SPOCK1: variants seen among roughly 807,000 people sequenced by gnomAD.
SPOCK1 encodes the protein testican-1.
In SPOCK1, 23 loss-of-function variants were observed where a neutral mutation model predicts 55.3. The ratio of observed to expected loss-of-function variants is 0.42; its 90% confidence interval spans 0.30 to 0.59. SPOCK1 has a LOEUF of 0.59. Among genes scored for constraint, SPOCK1 ranks in the 20% least tolerant of loss-of-function variants. The probability of loss-of-function intolerance (pLI) is 0.22; values close to 1 mark genes in which losing one functional copy is unlikely to be tolerated. For synonymous variants in SPOCK1, 226 were observed against 221.0 expected, an observed-to-expected ratio of 1.02 and a Z score of -0.20; for missense variants, 499 against 552.5, an observed-to-expected ratio of 0.90 and a Z score of 0.97.
At chr5:137,297,708 G>C (rs112391822) in intron 2 of SPOCK1, among the ~76,000 whole-genome samples, 2 of 152,210 alleles carry the variant, frequency 1.3e-5, no homozygotes, top group African/African-American at 4.8e-5. Flanking sequence ...AGCCTGGGGA[G>C]ACATGGTAGG....
chr5:137,332,105 G>T (rs567216789), intron 2 of SPOCK1, among the ~76,000 whole-genome samples: 21 of 152,016 alleles, frequency 1.4e-4, no homozygotes, highest in African/African-American at 4.6e-4. Flanking sequence ...TCCCCTCTCT[G>T]GCCCTGCCTA....
intron 2 of SPOCK1, among the ~76,000 whole-genome samples, chr5:137,321,041 A>G (rs1361243965): frequency 6.6e-6 from 1 of 152,190 alleles, no homozygotes; most frequent in East Asian, 1.9e-4. Context: ...GAAAAAGAGT[A>G]TTTTTTAACC....
At chr5:137,106,382 C>T (rs771083804) in intron 5 of SPOCK1, among the ~76,000 whole-genome samples, 1 of 152,188 alleles carries the variant, frequency 6.6e-6, no homozygotes, top group Non-Finnish European at 1.5e-5. Flanking sequence ...TTTACTCTTT[C>T]TATGCTGATA....
intron 3 of SPOCK1, among the ~76,000 whole-genome samples, chr5:137,213,884 A>G (rs1352653230): frequency 6.6e-6 from 1 of 152,234 alleles, no homozygotes; most frequent in Middle Eastern, 3.4e-3. Context: ...AATTCATTGT[A>G]CTCTTGAAGC....
At chr5:137,052,715 GAAT>G (rs1328773343) in intron 6 of SPOCK1, among the ~76,000 whole-genome samples, 1 of 152,104 alleles carries the variant, frequency 6.6e-6, no homozygotes, top group Admixed American at 6.5e-5. Context: ...GTTTTTAAAA[GAAT>G]AATTGATGAT....
intron 9 of SPOCK1, among the ~76,000 whole-genome samples, chr5:136,983,798 G>A (rs1160430267): frequency 1.3e-5 from 2 of 152,108 alleles, no homozygotes; most frequent in Non-Finnish European, 2.9e-5. Flanking sequence ...TGAGTCAGCT[G>A]GAGTAATCTC....
chr5:137,304,602 G>A (rs1467304940), intron 2 of SPOCK1, among the ~76,000 whole-genome samples: 1 of 152,176 alleles, frequency 6.6e-6, no homozygotes, highest in Non-Finnish European at 1.5e-5. Flanking sequence ...CTGCAACATG[G>A]GAAACCAGCA....
At chr5:137,174,265 C>G (rs17720729) in intron 3 of SPOCK1, among the ~76,000 whole-genome samples, 19,337 of 152,252 alleles carry the variant, frequency 0.13, 1,426 homozygotes, top group East Asian at 0.23. Context: ...CTCATGCCAG[C>G]AGGTAACAAT....
chr5:137,414,860 T>A (rs997281175), intron 2 of SPOCK1, among the ~76,000 whole-genome samples: 1 of 152,048 alleles, frequency 6.6e-6, no homozygotes, highest in East Asian at 1.9e-4. Flanking sequence ...ATCCCAAGTA[T>A]GTCCCCGCCC....
chr5:137,100,434 A>C (rs968891231), intron 5 of SPOCK1, among the ~76,000 whole-genome samples: 1 of 152,226 alleles, frequency 6.6e-6, no homozygotes, highest in Non-Finnish European at 1.5e-5. Context: ...AAATGGTAGA[A>C]GACAACGTGC....
chr5:137,092,533 G>A (rs1039252891), intron 5 of SPOCK1, among the ~76,000 whole-genome samples: 13 of 152,306 alleles, frequency 8.5e-5, no homozygotes, highest in East Asian at 3.9e-4. Flanking sequence ...GAGGTCAGAC[G>A]TTCTCTTACT....
chr5:137,149,162 C>T (rs1364900781), intron 3 of SPOCK1, among the ~76,000 whole-genome samples: 1 of 152,200 alleles, frequency 6.6e-6, no homozygotes. Context: ...ACCAGGTGAA[C>T]TGACTGTGGT....
At chr5:137,442,019 C>T (rs1392025071) in intron 2 of SPOCK1, among the ~76,000 whole-genome samples, 1 of 152,134 alleles carries the variant, frequency 6.6e-6, no homozygotes, top group East Asian at 1.9e-4. Flanking sequence ...CAACCTCCTT[C>T]CACTTCTAAA....
At chr5:137,374,068 C>T (rs886372317) in intron 2 of SPOCK1, among the ~76,000 whole-genome samples, 3 of 152,190 alleles carry the variant, frequency 2.0e-5, no homozygotes, top group Non-Finnish European at 4.4e-5. Flanking sequence ...ATAGGACTGT[C>T]GGGAAGATTA....
chr5:137,346,496 T>C (rs1029953658), intron 2 of SPOCK1, among the ~76,000 whole-genome samples: 40 of 152,288 alleles, frequency 2.6e-4, no homozygotes, highest in African/African-American at 9.1e-4. Context: ...AATCAGCCCT[T>C]GATTAACATT....
intron 2 of SPOCK1, among the ~76,000 whole-genome samples, chr5:137,385,000 T>C (rs147175101): frequency 3.2e-4 from 48 of 152,302 alleles, no homozygotes; most frequent in African/African-American, 1.1e-3. Flanking sequence ...GTCTATCACA[T>C]AATCACATGG....
chr5:137,281,411 A>C (rs1757163447), intron 2 of SPOCK1, among the ~76,000 whole-genome samples: 1 of 152,268 alleles, frequency 6.6e-6, no homozygotes, highest in Non-Finnish European at 1.5e-5. Context: ...GTTTCCAGGC[A>C]GCTGAATGGA....
Position 136,978,337 on chromosome 5 carries a change from A to C in SPOCK1, c.*317T>G, listed in dbSNP as rs1750656544. 3 of 348,502 alleles carry C rather than the reference A, an allele frequency of 8.6e-6. No homozygotes were observed. Among genetic ancestry groups the C allele is most frequent in the Non-Finnish European group, 1.5e-5 (3 of 194,820 alleles). 21.6% of individuals were successfully genotyped at this position (348,502 alleles called of 1,614,324 possible). A position where few individuals can be genotyped will look rare whatever the true frequency, so the allele number is the denominator to read the frequency against. ...ATTTAAGAGGGTTGGGGCTCCCTGC[A>C]CTGTCAGAATTCCACGTAAATCACA... On this transcript the variant is annotated 3_prime_UTR_variant, in exon 11 of 11. Coordinates refer to ENST00000394945, the MANE Select transcript of SPOCK1 (RefSeq NM_004598.4).
intron 5 of SPOCK1, among the ~76,000 whole-genome samples, chr5:137,091,820 G>A (rs952719170): frequency 6.6e-6 from 1 of 152,100 alleles, no homozygotes; most frequent in Non-Finnish European, 1.5e-5. Flanking sequence ...CCTCTTTCCA[G>A]GACTGAAAAC....
Sources: allele counts gnomAD v4.1 joint callset (sites outside exome capture counted in the v4.1 genomes callset), GRCh38; gene constraint gnomAD v4.1.1; transcripts MANE v1.5; gene names NCBI Gene and HGNC (gene_info 2026-07-23, HGNC 2026-07-21).